Variants in L2HGDH observed in about 807,000 individuals in gnomAD.
L2HGDH encodes L-2-hydroxyglutarate dehydrogenase.
In L2HGDH, 34 loss-of-function variants were observed where a neutral mutation model predicts 51.5. The ratio of observed to expected loss-of-function variants is 0.66; its 90% CI spans 0.50 to 0.88. The LOEUF (loss-of-function observed/expected upper bound fraction) is 0.88, where lower values mean the gene tolerates loss of function less well. Ranked by LOEUF, L2HGDH falls within the 40% of genes least tolerant of loss-of-function variation. The pLI is 0.00. For missense variants in L2HGDH, 558 were observed against 571.9 expected (o/e 0.98, Z 0.25); for synonymous variants, 198 against 197.9 (o/e 1.00, Z -0.01).
chr14:50,285,920 C>A (rs1278407704), intron 4 of L2HGDH, among the ~76,000 whole-genome samples: 1 of 152,298 alleles, frequency 6.6e-6, no homozygotes, highest in South Asian at 2.1e-4. Flanking sequence ...CCCACCTATA[C>A]ATGTGTGTTG....
rs143380043 is a variant in L2HGDH, at chr14:50,283,098, G to A, written c.703+773C>T. 2.4e-3 allele frequency among the ~76,000 whole-genome samples: 361 copies of A among 152,134 alleles called. 3 individuals are homozygous for A. Among genetic ancestry groups the A allele is most frequent in the African/African-American group, 7.9e-3 (328 of 41,496 alleles). On this transcript the variant is annotated intron_variant, in intron 5 of 9. Coordinates refer to ENST00000267436, the MANE Select transcript of L2HGDH (RefSeq NM_024884.3). ...CACCTATAGTTTCAGCTACTTGGGC[G>A]GCTCAGGTGGGAGGATCACTTGAGC...
In L2HGDH at chr14:50,255,936, G is replaced by A. The variant is rs148235963; in HGVS notation, c.1197-8683C>T. Among the ~76,000 whole-genome samples the A allele has an allele frequency of 3.4e-3, 515 of 152,062 alleles. 4 individuals are homozygous for A. Among genetic ancestry groups the A allele is most frequent in the African/African-American group, 0.012 (492 of 41,512 alleles). On this transcript the variant is annotated intron_variant, in intron 9 of 9. Coordinates refer to ENST00000267436, the MANE Select transcript of L2HGDH (RefSeq NM_024884.3). ...CCAGCTACTTGGGAGGCTGAGGCAGGAGAATCACTTGAACCCAGATCGCAC... is the reference window on the plus strand; with the variant it reads ...CCAGCTACTTGGGAGGCTGAGGCAGAAGAATCACTTGAACCCAGATCGCAC...
At chr14:50,257,829 T>C (rs1327120825) in intron 9 of L2HGDH, among the ~76,000 whole-genome samples, 4 of 151,458 alleles carry the variant, frequency 2.6e-5, no homozygotes, top group Non-Finnish European at 5.9e-5. Flanking sequence ...ACAGTTTCTA[T>C]TATTACTATT....
intron 3 of L2HGDH, among the ~76,000 whole-genome samples, chr14:50,300,912 T>C (rs536086676): frequency 6.6e-6 from 1 of 151,896 alleles, no homozygotes; most frequent in Non-Finnish European, 1.5e-5. Flanking sequence ...GCAGCCTTGA[T>C]CTCCCAGGCT....
chr14:50,271,191 T>C lies in L2HGDH; in HGVS notation c.739-1861A>G, dbSNP rs1329926006. Among the ~76,000 whole-genome samples the C allele has an allele frequency of 4.6e-5, 7 of 152,236 alleles. No individual in the cohort carries two copies. The East Asian group carries it at 1.3e-3, about 29-fold the overall frequency. ...TCTAAATAGGTTAATATCTTTCCTG[T>C]TCATCTAGAGTTATATTCTAGAAAT... On this transcript the variant is annotated intron_variant, in intron 6 of 9. Transcript: ENST00000267436.
intron 7 of L2HGDH, among the ~76,000 whole-genome samples, chr14:50,268,381 GAAAAAAAAAA>G (rs769880130): frequency 2.9e-5 from 2 of 67,924 alleles, no homozygotes; most frequent in South Asian, 4.8e-4. Flanking sequence ...TCTGTCTCAG[GAAAAAAAAAA>G]AAAAAAAAAA....
In L2HGDH at chr14:50,307,001, AG is replaced by A. The variant is rs1166456902; in HGVS notation, c.141-3985del. On this transcript the variant is annotated intron_variant, in intron 1 of 9. Coordinates refer to ENST00000267436, the MANE Select transcript of L2HGDH (RefSeq NM_024884.3). Reference sequence around the variant, plus strand: ...GGGCTAGTTTTTGTATTTTTACTAGAGACGAGGTTTCACCACGTTGGTCAGG... The same window carrying A: ...GGGCTAGTTTTTGTATTTTTACTAGAACGAGGTTTCACCACGTTGGTCAGG... Among the ~76,000 whole-genome samples, 4 of 152,026 alleles carry A rather than the reference AG, an allele frequency of 2.6e-5. No individual in the cohort carries two copies. In the East Asian group the frequency reaches 7.8e-4, roughly 29 times the overall value.
At chr14:50,311,765 G>A (rs1424081456) in intron 1 of L2HGDH, among the ~76,000 whole-genome samples, 3 of 152,182 alleles carry the variant, frequency 2.0e-5, no homozygotes, top group Non-Finnish European at 2.9e-5. Flanking sequence ...ACAGAAAGTG[G>A]ACGGGTTGTT....
At chr14:50,310,347 G>A (rs1389667271) in intron 1 of L2HGDH, among the ~76,000 whole-genome samples, 1 of 152,046 alleles carries the variant, frequency 6.6e-6, no homozygotes, top group Non-Finnish European at 1.5e-5. Context: ...TGGGATTACA[G>A]GCCTGAGTCA....
At position 50,243,187 on chromosome 14, in the gene L2HGDH, T is replaced by C; in HGVS notation, c.*3871A>G. ...AGGGAAGGACTTTGATATACACATA[T>C]ATGTATGGATAAAAGAGTTAAGCTA... On this transcript the variant is annotated 3_prime_UTR_variant, in exon 10 of 10. Transcript: ENST00000267436. 2.0e-6 allele frequency: 2 copies of C among 985,340 alleles called. No homozygotes were observed. The highest frequency in any genetic ancestry group is 2.4e-6 in the Non-Finnish European group (2 of 829,872). The allele number at this position is 985,340 out of a possible 1,614,324, so 61.0% of individuals were successfully genotyped here.
At position 50,247,137 on chromosome 14, in the gene L2HGDH, G is replaced by A. The variant is rs1425718250; in HGVS notation, c.1313C>T (p.Ala438Val). The change falls in exon 10 of 10, where the codon GCA (alanine) becomes GTA (valine). Residue 438 changes from alanine (A) to valine (V), a missense_variant. Physicochemically the swap from Ala to Val is moderately conservative, Grantham distance 64. Transcript: ENST00000267436. The part of the protein sequence containing the change: ...IGNRILHVRN[A>V]PSPAATSSIA... ...GGAAGAAGTAGCAGCAGGAGAAGGTGCATTTCTCACATGAAGAATGCGATT... is the reference window on the plus strand; with the variant it reads ...GGAAGAAGTAGCAGCAGGAGAAGGTACATTTCTCACATGAAGAATGCGATT... 1 of 1,614,018 alleles carries A rather than the reference G, an allele frequency of 6.2e-7. No individual in the cohort carries two copies. Among genetic ancestry groups the A allele is most frequent in the South Asian group, 1.1e-5 (1 of 91,084 alleles).
At chr14:50,247,294 T>G (rs1383110554) in intron 9 of L2HGDH, 41 bp from the exon 10 acceptor site, 7 of 1,597,636 alleles carry the variant, frequency 4.4e-6, no homozygotes, top group Non-Finnish European at 4.3e-6. Context: ...CTCAAAGACA[T>G]AGGATACTTT....
chr14:50,271,138 C>G (rs1250200037), intron 6 of L2HGDH, among the ~76,000 whole-genome samples: 14 of 152,228 alleles, frequency 9.2e-5, no homozygotes, highest in African/African-American at 1.2e-4. Context: ...TAGGCGTGAG[C>G]CACCGCACCC....
chr14:50,289,005 T>C lies in L2HGDH; in HGVS notation c.541-4972A>G, dbSNP rs182893518. 1.8e-3 allele frequency among the ~76,000 whole-genome samples: 275 copies of C among 152,288 alleles called. 2 individuals carry two copies. The highest frequency in any genetic ancestry group is 4.9e-3 in the African/African-American group (204 of 41,562). On this transcript the variant is annotated intron_variant, in intron 4 of 9. Coordinates refer to ENST00000267436, the MANE Select transcript of L2HGDH (RefSeq NM_024884.3). ...GATAAGAAACAGAAAGTGGGTTTAATCTAAATTTTTTAAGTAGACTCCTTT... is the reference window on the plus strand; with the variant it reads ...GATAAGAAACAGAAAGTGGGTTTAACCTAAATTTTTTAAGTAGACTCCTTT...
chr14:50,275,009 C>T (rs1221690029), intron 6 of L2HGDH, among the ~76,000 whole-genome samples: 1 of 152,092 alleles, frequency 6.6e-6, no homozygotes, highest in East Asian at 1.9e-4. Context: ...TCAAAGGGTA[C>T]AAACTTTCAA....
intron 5 of L2HGDH, among the ~76,000 whole-genome samples, chr14:50,281,849 G>T (rs562427073): frequency 1.4e-3 from 218 of 151,442 alleles, no homozygotes; most frequent in Admixed American, 1.5e-3. Context: ...TATTTTTTTT[G>T]TGTGTGTGTG....
At chr14:50,277,036 G>A (rs1416329739) in intron 6 of L2HGDH, among the ~76,000 whole-genome samples, 8 of 152,234 alleles carry the variant, frequency 5.3e-5, no homozygotes, top group East Asian at 1.9e-4. Context: ...AATGTTCCCC[G>A]AGGAGTAAAA....
At chr14:50,274,185 A>T (rs1169856707) in intron 6 of L2HGDH, among the ~76,000 whole-genome samples, 1 of 148,158 alleles carries the variant, frequency 6.7e-6, no homozygotes, top group East Asian at 2.0e-4. Context: ...AGGCTGAGGT[A>T]AGAGGACAGC....
chr14:50,247,971 A>T (rs879879553), intron 9 of L2HGDH, among the ~76,000 whole-genome samples: 4 of 151,170 alleles, frequency 2.6e-5, no homozygotes, highest in Admixed American at 6.6e-5. Flanking sequence ...ATTAAAGAAA[A>T]TTTTTTTTTG....
Sources: gnomAD v4.1 joint callset for allele counts (sites outside exome capture counted in the v4.1 genomes callset) on GRCh38, gnomAD v4.1.1 for gene constraint, MANE v1.5 for transcripts, NCBI Gene and HGNC (gene_info 2026-07-23, HGNC 2026-07-21) for gene names.